Variants in KAZN observed in about 807,000 individuals in gnomAD.
KAZN encodes the protein kazrin.
Under a neutral mutation model 87.4 loss-of-function variants are expected in KAZN, and 40 were observed. The observed-to-expected ratio is 0.46, with a 90% CI of 0.36 to 0.60. The LOEUF is 0.60. Among genes scored for constraint, KAZN ranks in the 20% least tolerant of loss-of-function variants. The pLI is 0.00. For missense variants in KAZN, 898 were observed against 1,073.9 expected (o/e 0.84, Z 2.29); for synonymous variants, 466 against 458.3 (o/e 1.02, Z -0.22).
At chr1:14,441,194 T>G (rs971318332) in intron 2 of KAZN, among the ~76,000 whole-genome samples, 2 of 152,120 alleles carry the variant, frequency 1.3e-5, no homozygotes, top group Admixed American at 1.3e-4. Flanking sequence ...GAAAGCAACT[T>G]TGGCTTCTTA....
intron 1 of KAZN, among the ~76,000 whole-genome samples, chr1:14,912,774 A>AT (rs1301600956): frequency 6.6e-6 from 1 of 152,278 alleles, no homozygotes; most frequent in East Asian, 1.9e-4. Flanking sequence ...GTTTAAAAAA[A>AT]TTTTTTTACT....
chr1:14,040,063 A>G (rs1641736559), intron 1 of KAZN, among the ~76,000 whole-genome samples: 1 of 150,424 alleles, frequency 6.6e-6, no homozygotes, highest in Admixed American at 6.6e-5. Context: ...GTGTGTGTGC[A>G]CGTGTGTGTG....
chr1:14,859,776 A>G (rs1231585404), intron 1 of KAZN, among the ~76,000 whole-genome samples: 1 of 152,184 alleles, frequency 6.6e-6, no homozygotes, highest in Non-Finnish European at 1.5e-5. Flanking sequence ...CTGCATGTCT[A>G]AAGCATTCCG....
intron 2 of KAZN, among the ~76,000 whole-genome samples, chr1:14,247,657 C>T (rs1469738606): frequency 6.6e-6 from 1 of 152,134 alleles, no homozygotes; most frequent in Non-Finnish European, 1.5e-5. Flanking sequence ...GTGATCGATA[C>T]GCATCAAATG....
At chr1:14,507,098 T>A (rs1048317507) in intron 2 of KAZN, among the ~76,000 whole-genome samples, 3 of 152,150 alleles carry the variant, frequency 2.0e-5, no homozygotes, top group African/African-American at 7.2e-5. Flanking sequence ...ATATGTACAT[T>A]GCCTTTATAT....
At chr1:13,943,462 A>AG (rs111226054) in intron 1 of KAZN, among the ~76,000 whole-genome samples, 3,877 of 151,814 alleles carry the variant, frequency 0.026, 74 homozygotes, top group Middle Eastern at 0.065. Flanking sequence ...ATTTTTTAAA[A>AG]AAAATAATAA....
Position 15,065,622 on chromosome 1 carries a change from C to T in KAZN, c.1099-8C>T. 5.0e-6 allele frequency: 8 copies of T among 1,602,962 alleles called. No homozygotes were observed. The highest frequency in any genetic ancestry group is 6.8e-6 in the Non-Finnish European group (8 of 1,172,602). On this transcript the variant is annotated splice_polypyrimidine_tract_variant and splice_region_variant and intron_variant, in intron 7 of 14. Coordinates refer to ENST00000376030, the MANE Select transcript of KAZN (RefSeq NM_201628.3). ...CCACCCTCTTCCACGTGGCTCCTGA[C>T]TCCTCAGTCACTAGAGGATCTTGAA...
intron 2 of KAZN, among the ~76,000 whole-genome samples, chr1:14,387,205 T>C (rs1453955361): frequency 2.0e-5 from 3 of 152,144 alleles, no homozygotes; most frequent in Non-Finnish European, 1.5e-5. Context: ...ATTCTAGTTA[T>C]ACATTCTTCT....
At chr1:14,510,800 A>G (rs1041432018) in intron 2 of KAZN, among the ~76,000 whole-genome samples, 21 of 152,182 alleles carry the variant, frequency 1.4e-4, no homozygotes, top group African/African-American at 5.1e-4. Flanking sequence ...AGACTGATGC[A>G]GGATACACGT....
At chr1:14,367,755 C>T (rs941649725) in intron 2 of KAZN, among the ~76,000 whole-genome samples, 3 of 152,096 alleles carry the variant, frequency 2.0e-5, no homozygotes, top group Non-Finnish European at 2.9e-5. Flanking sequence ...AGCGGTGTTG[C>T]GTGATTTGAT....
At chr1:15,047,070 G>A (rs536786904) in intron 4 of KAZN, among the ~76,000 whole-genome samples, 1 of 152,320 alleles carries the variant, frequency 6.6e-6, no homozygotes, top group Admixed American at 6.5e-5. Flanking sequence ...GCCTCCTTCT[G>A]GCAGGCATCA....
At chr1:14,577,697 C>A (rs1675276006) in intron 2 of KAZN, among the ~76,000 whole-genome samples, 2 of 152,146 alleles carry the variant, frequency 1.3e-5, no homozygotes. Context: ...TGATCTTAGG[C>A]TCCATTGATT....
chr1:15,037,626 A>G (rs150169650), intron 3 of KAZN, among the ~76,000 whole-genome samples: 2,035 of 147,386 alleles, frequency 0.014, 44 homozygotes, highest in African/African-American at 0.049. Context: ...TCGGGGATTC[A>G]GAGTCAGCCA....
Position 14,988,842 on chromosome 1 carries a change from C to CG in KAZN, c.418+27969dup, listed in dbSNP as rs548488293. On this transcript the variant is annotated intron_variant, in intron 2 of 14. Coordinates refer to ENST00000376030, the MANE Select transcript of KAZN (RefSeq NM_201628.3). Reference sequence around the variant, plus strand: ...CCCAGCAAAAACCAGCTGCAGGCCACGGCCCTCCGGGGCTTCTCAGCCCTG... The same window carrying CG: ...CCCAGCAAAAACCAGCTGCAGGCCACGGGCCCTCCGGGGCTTCTCAGCCCTG... 3.4e-3 allele frequency among the ~76,000 whole-genome samples: 519 copies of CG among 152,344 alleles called. 5 individuals are homozygous for CG. The highest frequency in any genetic ancestry group is 0.012 in the African/African-American group (493 of 41,578).
At chr1:15,093,069 A>G (rs1262797272) in intron 8 of KAZN, among the ~76,000 whole-genome samples, 3 of 152,140 alleles carry the variant, frequency 2.0e-5, no homozygotes, top group African/African-American at 7.2e-5. Context: ...ATAGTGAAAA[A>G]TTGGAAACAA....
chr1:14,056,367 C>T (rs903029115), intron 1 of KAZN, among the ~76,000 whole-genome samples: 5 of 152,094 alleles, frequency 3.3e-5, no homozygotes, highest in Admixed American at 6.5e-5. Flanking sequence ...GGAGATGTCA[C>T]GATGGAAGCA....
chr1:15,058,733 C>A (rs1370938747), intron 5 of KAZN, among the ~76,000 whole-genome samples: 1 of 152,262 alleles, frequency 6.6e-6, no homozygotes, highest in African/African-American at 2.4e-5. Flanking sequence ...TATTAAATAA[C>A]AAGCAGGCCA....
intron 1 of KAZN, among the ~76,000 whole-genome samples, chr1:14,030,635 T>TAC (rs60838104): frequency 0.053 from 7,672 of 145,014 alleles, 576 homozygotes; most frequent in African/African-American, 0.18. Flanking sequence ...TGTACACAGA[T>TAC]ACACACACAC....
In KAZN at chr1:14,883,405, A is replaced by AAGAAAGAAAG. The variant is rs1364354407; in HGVS notation, c.227-77277_227-77268dup. ...AAAGAAAGAAAGAAAGAAAGAAAGA[A>AAGAAAGAAAG]AGAAAGAAAGAAAGAAAGAAAAGCG... On this transcript the variant is annotated intron_variant, in intron 1 of 14. Transcript: ENST00000376030. Among the ~76,000 whole-genome samples the AAGAAAGAAAG allele has an allele frequency of 6.4e-4, 92 of 144,452 alleles. 6 individuals are homozygous for AAGAAAGAAAG. Among genetic ancestry groups the AAGAAAGAAAG allele is most frequent in the African/African-American group, 2.3e-3 (84 of 36,344 alleles). The allele number at this position is 144,452 out of a possible 152,430, so 94.8% of individuals were successfully genotyped here. A position where few individuals can be genotyped will look rare whatever the true frequency, so the allele number is the denominator to read the frequency against.
Sources: allele counts gnomAD v4.1 joint callset (sites outside exome capture counted in the v4.1 genomes callset), GRCh38; gene constraint gnomAD v4.1.1; transcripts MANE v1.5; gene names NCBI Gene and HGNC (gene_info 2026-07-23, HGNC 2026-07-21).